The following NCAM2 variants were observed in gnomAD, a reference collection of about 807,000 sequenced individuals.
NCAM2 encodes the protein N-CAM-2.
In NCAM2, 30 loss-of-function variants were observed where a neutral mutation model predicts 98.1. The observed-to-expected ratio is 0.31, with a 90% confidence interval of 0.23 to 0.41. NCAM2 has a LOEUF of 0.41. NCAM2 is among the 10% of genes least tolerant of loss of function. The probability of loss-of-function intolerance (pLI) is 1.00; values close to 1 mark genes in which losing one functional copy is unlikely to be tolerated. For missense variants in NCAM2, 867 were observed against 1,005.8 expected (o/e 0.86, Z 1.87); for synonymous variants, 368 against 342.4 (o/e 1.07, Z -0.83).
At chr21:21,341,965 GA>G (rs1432026532) in intron 8 of NCAM2, among the ~76,000 whole-genome samples, 2 of 151,670 alleles carry the variant, frequency 1.3e-5, no homozygotes, top group African/African-American at 2.4e-5. Flanking sequence ...TTTCTGAAAA[GA>G]AAAAAAGGAG....
At chr21:21,187,105 C>T (rs2068664415) in intron 1 of NCAM2, among the ~76,000 whole-genome samples, 1 of 151,850 alleles carries the variant, frequency 6.6e-6, no homozygotes. Flanking sequence ...TGGTTTGTGC[C>T]CATAGTCCCA....
intron 8 of NCAM2, among the ~76,000 whole-genome samples, chr21:21,356,987 C>CAATCAATA (rs1555879919): frequency 3.4e-5 from 5 of 145,052 alleles, no homozygotes; most frequent in East Asian, 2.0e-4. Flanking sequence ...GAAACTCCAT[C>CAATCAATA]AATAAATAAA....
At chr21:21,333,055 G>A (rs2074759897) in intron 6 of NCAM2, among the ~76,000 whole-genome samples, 1 of 152,104 alleles carries the variant, frequency 6.6e-6, no homozygotes, top group Non-Finnish European at 1.5e-5. Flanking sequence ...TCAAAGAATG[G>A]GCTTAATGCA....
chr21:21,111,990 A>G (rs1035281663), intron 1 of NCAM2, among the ~76,000 whole-genome samples: 1 of 152,202 alleles, frequency 6.6e-6, no homozygotes, highest in Non-Finnish European at 1.5e-5. Context: ...AAAGAATCAC[A>G]TAATTATTGC....
intron 9 of NCAM2, among the ~76,000 whole-genome samples, chr21:21,378,493 A>T (rs1183489601): frequency 6.6e-6 from 1 of 152,052 alleles, no homozygotes; most frequent in Non-Finnish European, 1.5e-5. Flanking sequence ...TATCAATTAA[A>T]GATAATTTGC....
intron 1 of NCAM2, among the ~76,000 whole-genome samples, chr21:21,208,084 A>G (rs2069510313): frequency 6.6e-6 from 1 of 152,196 alleles, no homozygotes; most frequent in African/African-American, 2.4e-5. Flanking sequence ...GAACTTGAGT[A>G]ACCAAATTAA....
chr21:21,508,841 A>AATTTTTTTTTTT lies in NCAM2; in HGVS notation c.2078-10_2078-9insATTTTTTTTTTT. The AATTTTTTTTTTT allele has an allele frequency of 2.8e-6, 1 of 357,596 alleles. No individual in the cohort carries two copies. Among genetic ancestry groups the AATTTTTTTTTTT allele is most frequent in the Non-Finnish European group, 4.2e-6 (1 of 239,258 alleles). 22.2% of individuals were successfully genotyped at this position (357,596 alleles called of 1,614,324 possible). A position where few individuals can be genotyped will look rare whatever the true frequency, so the allele number is the denominator to read the frequency against. On this transcript the variant is annotated splice_polypyrimidine_tract_variant and intron_variant, in intron 15 of 17. Transcript: ENST00000400546. ...TTTTTTTTTTTTTTTTTTTTTTTTT[A>AATTTTTTTTTTT]CTTTTTAAGACACGCTGTTTAATGG...
chr21:21,063,025 C>T (rs1187813166), intron 1 of NCAM2, among the ~76,000 whole-genome samples: 1 of 151,962 alleles, frequency 6.6e-6, no homozygotes, highest in Non-Finnish European at 1.5e-5. Flanking sequence ...TGAACATTAA[C>T]ACAAAACAAA....
At chr21:21,482,817 T>C (rs2008833) in intron 15 of NCAM2, among the ~76,000 whole-genome samples, 61,334 of 151,676 alleles carry the variant, frequency 0.4, 13,899 homozygotes, top group Non-Finnish European at 0.51. Flanking sequence ...GAAAGATATG[T>C]ATTTTGATTT....
intron 16 of NCAM2, among the ~76,000 whole-genome samples, chr21:21,530,762 G>T (rs1989647655): frequency 6.6e-6 from 1 of 151,678 alleles, no homozygotes; most frequent in African/African-American, 2.4e-5. Flanking sequence ...CACTTTAGAA[G>T]AAACTTTCAA....
At chr21:21,513,720 T>C (rs1407620504) in intron 16 of NCAM2, among the ~76,000 whole-genome samples, 2 of 152,110 alleles carry the variant, frequency 1.3e-5, no homozygotes, top group Admixed American at 1.3e-4. Flanking sequence ...ATTTGGTCTA[T>C]AGCATATTTT....
chr21:21,162,694 A>G (rs757015689), intron 1 of NCAM2, among the ~76,000 whole-genome samples: 5 of 152,128 alleles, frequency 3.3e-5, no homozygotes, highest in Non-Finnish European at 7.4e-5. Context: ...GATTGCAGCC[A>G]TGGAAAAGAA....
At chr21:21,159,759 C>T (rs2067725152) in intron 1 of NCAM2, among the ~76,000 whole-genome samples, 1 of 151,914 alleles carries the variant, frequency 6.6e-6, no homozygotes, top group African/African-American at 2.4e-5. Context: ...CTCTCTCTCC[C>T]TCTCTCTCTG....
intron 6 of NCAM2, among the ~76,000 whole-genome samples, chr21:21,332,929 A>G (rs1158826972): frequency 1.3e-5 from 2 of 152,210 alleles, no homozygotes; most frequent in African/African-American, 4.8e-5. Flanking sequence ...TGTTAATACA[A>G]TATTGTTCAA....
intron 14 of NCAM2, among the ~76,000 whole-genome samples, chr21:21,475,299 A>T (rs142059357): frequency 1.8e-4 from 27 of 152,122 alleles, no homozygotes; most frequent in African/African-American, 5.8e-4. Flanking sequence ...CCTTGACTTT[A>T]TTAGGTATTA....
chr21:21,151,752 A>G (rs933493374), intron 1 of NCAM2, among the ~76,000 whole-genome samples: 1 of 152,014 alleles, frequency 6.6e-6, no homozygotes, highest in Non-Finnish European at 1.5e-5. Context: ...TAGTGTTTGC[A>G]TGATGTGTTT....
At chr21:21,227,440 CA>C (rs2070432991) in intron 1 of NCAM2, among the ~76,000 whole-genome samples, 2 of 151,642 alleles carry the variant, frequency 1.3e-5, no homozygotes, top group South Asian at 4.1e-4. Context: ...AAAACGTAGT[CA>C]AAACCCCAAG....
In NCAM2 at chr21:21,074,271, A is replaced by G. The variant is rs550191013; in HGVS notation, c.55+75653A>G. On this transcript the variant is annotated intron_variant, in intron 1 of 17. Transcript: ENST00000400546. ...TAATATAATTTAAACGATTTTGATG[A>G]ATATAAAATAAATTTTACATTTATT... Among the ~76,000 whole-genome samples the G allele has an allele frequency of 8.5e-5, 13 of 152,164 alleles. No individual in the cohort carries two copies. The South Asian group carries it at 2.7e-3, about 32-fold the overall frequency.
intron 1 of NCAM2, among the ~76,000 whole-genome samples, chr21:21,209,057 A>AT (rs1406926617): frequency 6.6e-6 from 1 of 151,864 alleles, no homozygotes; most frequent in Non-Finnish European, 1.5e-5. Flanking sequence ...AAATATATTG[A>AT]TTTTTTACTT....
Sources: gnomAD v4.1 joint callset for allele counts (sites outside exome capture counted in the v4.1 genomes callset) on GRCh38, gnomAD v4.1.1 for gene constraint, MANE v1.5 for transcripts, NCBI Gene and HGNC (gene_info 2026-07-23, HGNC 2026-07-21) for gene names.